The following DLGAP2 variants were observed in gnomAD, a reference collection of about 807,000 sequenced individuals.
The protein encoded by DLGAP2 is disks large-associated protein 2.
Under a neutral mutation model 100.3 loss-of-function variants are expected in DLGAP2, and 26 were observed. The observed-to-expected ratio is 0.26, with a 90% CI of 0.19 to 0.36. DLGAP2 has a LOEUF of 0.36. DLGAP2 is among the 10% of genes least tolerant of loss of function. DLGAP2 has a pLI of 1.00. For missense variants in DLGAP2, 1,858 were observed against 1,453.2 expected (o/e 1.28, Z -4.53); for synonymous variants, 886 against 630.1 (o/e 1.41, Z -6.08).
intron 3 of DLGAP2, among the ~76,000 whole-genome samples, chr8:1,346,927 G>A (rs114319260): frequency 0.012 from 1,280 of 109,588 alleles, 24 homozygotes; most frequent in African/African-American, 0.04. Flanking sequence ...TCCCATACAC[G>A]TCTGCATTGC....
At chr8:808,151 G>A (rs1796303456) in intron 1 of DLGAP2, among the ~76,000 whole-genome samples, 1 of 152,160 alleles carries the variant, frequency 6.6e-6, no homozygotes, top group Admixed American at 6.5e-5. Context: ...TGGGTCTTCG[G>A]CTTTCTGTGT....
At chr8:1,201,462 A>G (rs1002022916) in intron 2 of DLGAP2, among the ~76,000 whole-genome samples, 4 of 152,154 alleles carry the variant, frequency 2.6e-5, no homozygotes, top group Non-Finnish European at 5.9e-5. Flanking sequence ...GGGGAGGAAG[A>G]TTCTCCAGAG....
rs1047255918 is a variant in DLGAP2 at position 1,701,211 on chromosome 8, A to C, written c.2973A>C (p.Pro991=). Residue 991 remains proline, a synonymous_variant, in exon 15 of 15, where the codon CCA becomes CCC. Transcript: ENST00000637795. ...AGGAAGAAAGAAAGGTCCCGCCTCC[A>C]ATACCAAAGAAGCCTCCCAAGGGGA... ...ERKEERKVPP[P]IPKKPPKGKF... 1.9e-6 allele frequency: 3 copies of C among 1,570,118 alleles called. No individual in the cohort carries two copies. The highest frequency in any genetic ancestry group is 2.7e-5 in the African/African-American group (2 of 73,458).
intron 2 of DLGAP2, among the ~76,000 whole-genome samples, chr8:1,069,546 A>G (rs1402124089): frequency 6.6e-6 from 1 of 152,162 alleles, no homozygotes; most frequent in Non-Finnish European, 1.5e-5. Flanking sequence ...TGGGACCTGC[A>G]CATCCGAGAG....
chr8:1,033,441 C>T lies in DLGAP2; in HGVS notation c.73+125475C>T, dbSNP rs544029283. Among the ~76,000 whole-genome samples, 125 of 152,228 alleles carry T rather than the reference C, an allele frequency of 8.2e-4. 1 individual carries two copies. The highest frequency in any genetic ancestry group is 2.8e-3 in the African/African-American group (118 of 41,518). On this transcript the variant is annotated intron_variant, in intron 2 of 14. Coordinates refer to ENST00000637795, the MANE Select transcript of DLGAP2 (RefSeq NM_001346810.2). ...CAGCACTTTGAGGGGCTGAGGCGGG[C>T]AGATTGCCTCAGCTGAGGAGTTCAA...
At chr8:1,253,177 C>T (rs531241150) in intron 2 of DLGAP2, among the ~76,000 whole-genome samples, 43 of 152,348 alleles carry the variant, frequency 2.8e-4, no homozygotes, top group African/African-American at 8.7e-4. Context: ...CGGTACCCAT[C>T]CCCAGCAACG....
At position 1,697,267 on chromosome 8, in the gene DLGAP2, G is replaced by T; in HGVS notation, c.2917G>T (p.Asp973Tyr). The T allele has an allele frequency of 6.2e-7, 1 of 1,609,830 alleles. No individual in the cohort carries two copies. The change falls in exon 14 of 15, where the codon GAC becomes TAC. Residue 973 changes from aspartate to tyrosine, a missense_variant. Asp to Tyr is a radical substitution (Grantham distance 160). Transcript: ENST00000637795. ...FDELQRLRLN[D>Y]WKMMESPERK... is the part of the protein sequence containing the mutation. ...CGAGCTGCAGCGGCTGCGGCTCAAC[G>T]ACTGGAAGATGATGGAGTCCCCGGA...
chr8:1,520,648 C>G (rs1300942389), intron 4 of DLGAP2, among the ~76,000 whole-genome samples: 1 of 152,136 alleles, frequency 6.6e-6, no homozygotes, highest in Non-Finnish European at 1.5e-5. Context: ...TGTAGTTCTG[C>G]CTTTTCCAGA....
At chr8:789,927 C>A (rs1821982904) in intron 1 of DLGAP2, among the ~76,000 whole-genome samples, 1 of 152,272 alleles carries the variant, frequency 6.6e-6, no homozygotes, top group Middle Eastern at 3.4e-3. Context: ...CACCCCTGAC[C>A]CACTGTGCTT....
chr8:1,642,034 T>TCACCTGTGTCACCCTCGACCCC (rs1797922697), intron 8 of DLGAP2, among the ~76,000 whole-genome samples: 1 of 15,034 alleles, frequency 6.7e-5, no homozygotes, highest in Non-Finnish European at 9.7e-5. Flanking sequence ...CCCTCGACCC[T>TCACCTGTGTCACCCTCGACCCC]GCCGGCCCCC....
chr8:1,633,617 T>A (rs1471132389), intron 8 of DLGAP2, among the ~76,000 whole-genome samples: 3 of 152,202 alleles, frequency 2.0e-5, no homozygotes, highest in Non-Finnish European at 1.5e-5. Flanking sequence ...AACCTAAATA[T>A]CACTGCCTAA....
chr8:1,525,039 T>G (rs1165179166), intron 4 of DLGAP2, among the ~76,000 whole-genome samples: 3 of 152,316 alleles, frequency 2.0e-5, no homozygotes, highest in African/African-American at 7.2e-5. Context: ...GCCTTTACTT[T>G]GCTTCCATTG....
At chr8:1,419,201 CGTGCGTGTGTGTGTGT>C (rs1465451950) in intron 3 of DLGAP2, among the ~76,000 whole-genome samples, 13 of 133,440 alleles carry the variant, frequency 9.7e-5, no homozygotes, top group African/African-American at 3.7e-4. Flanking sequence ...CACTCTGATG[CGTGCGTGTGTGTGTGT>C]GTGTGTGTGT....
At chr8:1,119,923 A>T (rs1027846327) in intron 2 of DLGAP2, among the ~76,000 whole-genome samples, 13 of 152,166 alleles carry the variant, frequency 8.5e-5, no homozygotes, top group Non-Finnish European at 1.9e-4. Flanking sequence ...GTTTCCTTGT[A>T]GTTGGGAAGA....
intron 6 of DLGAP2, among the ~76,000 whole-genome samples, chr8:1,588,038 T>A (rs946781185): frequency 1.3e-5 from 2 of 152,220 alleles, no homozygotes; most frequent in South Asian, 2.1e-4. Context: ...TGACTCCTAA[T>A]AGAGTTCTGG....
chr8:1,368,727 G>A (rs1435378262), intron 3 of DLGAP2: 1 of 152,196 alleles, frequency 6.6e-6, no homozygotes, highest in Non-Finnish European at 1.5e-5. Context: ...ATTAGCTGGT[G>A]ATCTAATAAT....
intron 1 of DLGAP2, among the ~76,000 whole-genome samples, chr8:893,889 G>C (rs984823440): frequency 6.6e-6 from 1 of 152,218 alleles, no homozygotes; most frequent in Non-Finnish European, 1.5e-5. Context: ...TGGTTGTCTC[G>C]GAGTGCAGAG....
intron 1 of DLGAP2, among the ~76,000 whole-genome samples, chr8:826,645 C>T (rs1389815461): frequency 2.0e-5 from 3 of 152,082 alleles, no homozygotes; most frequent in East Asian, 3.9e-4. Flanking sequence ...TGGCTGCAGC[C>T]TGGTGTCTCG....
chr8:962,924 C>T (rs568296823), intron 2 of DLGAP2, among the ~76,000 whole-genome samples: 9 of 152,272 alleles, frequency 5.9e-5, no homozygotes, highest in East Asian at 5.8e-4. Flanking sequence ...GCTGAGGTAC[C>T]GACTGCAGCA....
Sources: gnomAD v4.1 joint callset for allele counts (sites outside exome capture counted in the v4.1 genomes callset) on GRCh38, gnomAD v4.1.1 for gene constraint, MANE v1.5 for transcripts, NCBI Gene and HGNC (gene_info 2026-07-23, HGNC 2026-07-21) for gene names.